Variants in KCNN2 observed in about 807,000 individuals in gnomAD.
KCNN2 encodes small conductance calcium-activated potassium channel protein 2.
A neutral mutation model predicts 55.5 loss-of-function variants in KCNN2; 24 were observed. That is an observed-to-expected ratio of 0.43 (90% CI 0.31 to 0.61). The LOEUF is 0.61. Among genes scored for constraint, KCNN2 ranks in the 20% least tolerant of loss-of-function variants. The probability of loss-of-function intolerance (pLI) is 0.08; values close to 1 mark genes in which losing one functional copy is unlikely to be tolerated. For missense variants in KCNN2, 754 were observed against 853.6 expected (o/e 0.88, Z 1.45); for synonymous variants, 431 against 336.1 (o/e 1.28, Z -3.09).
intron 1 of KCNN2, among the ~76,000 whole-genome samples, chr5:114,084,790 G>A (rs1201451680): frequency 1.3e-5 from 2 of 151,778 alleles, no homozygotes; most frequent in Admixed American, 1.3e-4. Context: ...AAATTTTACG[G>A]TTTTTGGTTT....
intron 3 of KCNN2, among the ~76,000 whole-genome samples, chr5:114,407,548 T>G (rs1758976556): frequency 6.6e-6 from 1 of 152,228 alleles, no homozygotes; most frequent in African/African-American, 2.4e-5. Context: ...TTCTTTTGTT[T>G]TGGCTTCTGT....
At chr5:114,157,102 C>T (rs1752652057) in intron 1 of KCNN2, among the ~76,000 whole-genome samples, 1 of 151,284 alleles carries the variant, frequency 6.6e-6, no homozygotes, top group African/African-American at 2.4e-5. Flanking sequence ...TGTGCTGCAC[C>T]CATTGACTTG....
chr5:114,312,422 CACACACACACACATATATATAT>C (rs1395788699), intron 2 of KCNN2, among the ~76,000 whole-genome samples: 495 of 49,600 alleles, frequency 1.0e-2, no homozygotes, highest in African/African-American at 0.022. Flanking sequence ...CACACACACA[CACACACACACACATATATATAT>C]ATATATATAT....
intron 1 of KCNN2, among the ~76,000 whole-genome samples, chr5:114,117,799 A>G (rs1026209870): frequency 6.6e-6 from 1 of 152,190 alleles, no homozygotes; most frequent in East Asian, 1.9e-4. Context: ...ACTGTGCCAC[A>G]TGTTTGACAT....
intron 1 of KCNN2, among the ~76,000 whole-genome samples, chr5:114,171,944 G>T (rs760174851): frequency 2.0e-5 from 3 of 151,988 alleles, no homozygotes; most frequent in East Asian, 3.9e-4. Flanking sequence ...TTTTCAGGGT[G>T]TATAGTATGG....
At chr5:114,139,920 A>G (rs949505237) in intron 1 of KCNN2, among the ~76,000 whole-genome samples, 3 of 152,058 alleles carry the variant, frequency 2.0e-5, no homozygotes, top group African/African-American at 7.2e-5. Flanking sequence ...ATAGACTTCA[A>G]CCAAAATAAC....
intron 4 of KCNN2, among the ~76,000 whole-genome samples, chr5:114,466,600 G>GAATT (rs1339854355): frequency 6.6e-6 from 1 of 151,828 alleles, no homozygotes; most frequent in Non-Finnish European, 1.5e-5. Flanking sequence ...TCTTATACTG[G>GAATT]AATTAAGGTT....
At chr5:114,112,456 A>G (rs1751619291) in intron 1 of KCNN2, among the ~76,000 whole-genome samples, 1 of 152,196 alleles carries the variant, frequency 6.6e-6, no homozygotes, top group Non-Finnish European at 1.5e-5. Context: ...GTGCACATGT[A>G]CCATAGAACC....
At chr5:114,347,275 C>A (rs257468) in intron 2 of KCNN2, among the ~76,000 whole-genome samples, 1 of 151,996 alleles carries the variant, frequency 6.6e-6, no homozygotes, top group Non-Finnish European at 1.5e-5. Context: ...AAGATACTTA[C>A]TAACTGTGGA....
At chr5:114,303,401 T>C (rs1407326828) in intron 2 of KCNN2, among the ~76,000 whole-genome samples, 1 of 152,190 alleles carries the variant, frequency 6.6e-6, no homozygotes, top group Non-Finnish European at 1.5e-5. Context: ...TGGCTTTAAC[T>C]CTCTGTAGTT....
At chr5:114,336,501 C>T (rs543677500) in intron 2 of KCNN2, among the ~76,000 whole-genome samples, 2 of 152,276 alleles carry the variant, frequency 1.3e-5, no homozygotes, top group East Asian at 3.9e-4. Context: ...TCATGTGCAT[C>T]ACTGTACTAG....
At chr5:114,224,714 C>G (rs1754207359) in intron 2 of KCNN2, among the ~76,000 whole-genome samples, 1 of 152,152 alleles carries the variant, frequency 6.6e-6, no homozygotes, top group South Asian at 2.1e-4. Context: ...TTTTCTGAGC[C>G]TGAGAACCAG....
At chr5:114,110,914 A>G (rs1751583071) in intron 1 of KCNN2, among the ~76,000 whole-genome samples, 1 of 152,046 alleles carries the variant, frequency 6.6e-6, no homozygotes, top group African/African-American at 2.4e-5. Context: ...TAGAATTTAA[A>G]AAATGCACAT....
At chr5:114,331,723 A>C (rs557665778) in intron 2 of KCNN2, among the ~76,000 whole-genome samples, 1 of 152,340 alleles carries the variant, frequency 6.6e-6, no homozygotes, top group East Asian at 1.9e-4. Flanking sequence ...TCATCAGTCT[A>C]TTGTTGGTTA....
intron 1 of KCNN2, among the ~76,000 whole-genome samples, chr5:114,059,725 C>G (rs1382226489): frequency 6.6e-6 from 1 of 152,152 alleles, no homozygotes; most frequent in Non-Finnish European, 1.5e-5. Flanking sequence ...CAGAGCTACT[C>G]TGAGAAGCCA....
chr5:114,138,899 G>A (rs1429048336), intron 1 of KCNN2, among the ~76,000 whole-genome samples: 1 of 152,128 alleles, frequency 6.6e-6, no homozygotes, highest in Admixed American at 6.6e-5. Flanking sequence ...TAATGTGTTG[G>A]AAGTGTTGCT....
At chr5:114,437,804 C>T (rs1760060536) in intron 3 of KCNN2, among the ~76,000 whole-genome samples, 1 of 152,118 alleles carries the variant, frequency 6.6e-6, no homozygotes, top group Non-Finnish European at 1.5e-5. Context: ...GAAGCAGTCA[C>T]GTGTCTATTT....
chr5:114,390,925 C>T (rs947837046), intron 2 of KCNN2, among the ~76,000 whole-genome samples: 2 of 151,980 alleles, frequency 1.3e-5, no homozygotes, highest in Non-Finnish European at 2.9e-5. Context: ...TGGTAAGAAA[C>T]ATGTGAAAGG....
chr5:114,291,431 C>G (rs1464316528), intron 2 of KCNN2, among the ~76,000 whole-genome samples: 1 of 151,526 alleles, frequency 6.6e-6, no homozygotes, highest in African/African-American at 2.4e-5. Context: ...TGAGTGAGAA[C>G]AGGCAGTGTT....
Sources: allele counts gnomAD v4.1 joint callset (sites outside exome capture counted in the v4.1 genomes callset), GRCh38; gene constraint gnomAD v4.1.1; transcripts MANE v1.5; gene names NCBI Gene and HGNC (gene_info 2026-07-23, HGNC 2026-07-21).